RRBP1: variants seen among roughly 807,000 people sequenced by gnomAD.
RRBP1 encodes ribosome-binding protein 1.
Under a neutral mutation model 165.2 loss-of-function variants are expected in RRBP1, and 94 were observed. The observed-to-expected ratio is 0.57, with a 90% CI of 0.48 to 0.68. The LOEUF is 0.68. RRBP1 is among the 30% of genes least tolerant of loss of function. The pLI is 0.00. For synonymous variants in RRBP1, 680 were observed against 714.5 expected (o/e 0.95, Z 0.77); for missense variants, 1,676 against 1,763.0 (o/e 0.95, Z 0.88).
At chr20:17,628,290 T>A (rs1192408536) in intron 9 of RRBP1, among the ~76,000 whole-genome samples, 1 of 152,138 alleles carries the variant, frequency 6.6e-6, no homozygotes, top group Non-Finnish European at 1.5e-5. Flanking sequence ...GAAGCTCTAG[T>A]TAGACAACGC....
At chr20:17,663,412 G>T (rs1029592548) in intron 2 of RRBP1, among the ~76,000 whole-genome samples, 1 of 152,164 alleles carries the variant, frequency 6.6e-6, no homozygotes, top group Non-Finnish European at 1.5e-5. Context: ...CCTTTGCAAC[G>T]CACACAAATA....
At chr20:17,621,418 C>G in intron 16 of RRBP1, 40 bp downstream of exon 16, 1 of 1,513,406 alleles carries the variant, frequency 6.6e-7, no homozygotes, top group Non-Finnish European at 9.1e-7. Context: ...TTCCCTGCAG[C>G]CTCCCAGGGA....
At chr20:17,669,909 CCTATCGT>C (rs888631704) in intron 2 of RRBP1, among the ~76,000 whole-genome samples, 1 of 152,134 alleles carries the variant, frequency 6.6e-6, no homozygotes, top group African/African-American at 2.4e-5. Flanking sequence ...TTCCCAATTT[CCTATCGT>C]CTGCTTAATT....
chr20:17,630,082 T>G, intron 8 of RRBP1, 121 bp from the exon 9 acceptor site: 1 of 1,146,808 alleles, frequency 8.7e-7, no homozygotes. Flanking sequence ...CTCTGGTCCA[T>G]GTGGGAAGGA....
Position 17,642,967 on chromosome 20 carries a change from G to C in RRBP1, c.2061+12C>G, listed in dbSNP as rs750692348. Reference sequence around the variant, plus strand: ...TGGCCTCTGAGCATGGCCAGCAGGAGGGTGGGCCCACCTTGTGCCAGGTGT... The same window carrying C: ...TGGCCTCTGAGCATGGCCAGCAGGACGGTGGGCCCACCTTGTGCCAGGTGT... On this transcript the variant is annotated intron_variant, in intron 4 of 24. Transcript: ENST00000377813. The C allele has an allele frequency of 1.1e-5, 17 of 1,612,530 alleles. 1 individual carries two copies. In the East Asian group the frequency reaches 1.8e-4, roughly 17 times the overall value.
chr20:17,618,609 T>C lies in RRBP1; in HGVS notation c.3746A>G (p.Asp1249Gly). The change falls in exon 20 of 25, where the codon GAT becomes GGT. Residue 1249 changes from aspartate to glycine, a missense_variant. By Grantham distance (94) the Asp-to-Gly change is moderately conservative. Coordinates refer to ENST00000377813, the MANE Select transcript of RRBP1 (RefSeq NM_001365613.2). ...GAGGCCACCTACCAGGGCAAGCTCA[T>C]CGCTCTGTTTCTGGGCTTCGCTCTT... ...AAKSEAQKQS[D>G]ELALVRQQLS... The C allele has an allele frequency of 6.2e-7, 1 of 1,613,964 alleles. No homozygotes were observed. Among genetic ancestry groups the C allele is most frequent in the Non-Finnish European group, 8.5e-7 (1 of 1,179,990 alleles).
Position 17,659,690 on chromosome 20 carries a change from T to C in RRBP1, c.818A>G (p.Asp273Gly), listed in dbSNP as rs2036721825. ...EGAQNQGKKV[D>G]TTPNQGKKVE... is the part of the protein sequence containing the mutation. Reference sequence around the variant, plus strand: ...CTTTTTCCCCTGGTTTGGGGTTGTATCTACCTTTTTACCCTGGTTCTGGGC... The same window carrying C: ...CTTTTTCCCCTGGTTTGGGGTTGTACCTACCTTTTTACCCTGGTTCTGGGC... The change falls in exon 3 of 25, where the codon GAT (aspartate) becomes GGT (glycine). Residue 273 changes from aspartate to glycine, a missense_variant. Around this residue, in one of 5 missense-constraint regions of RRBP1, gnomAD observed 392 missense variants for 382.5 expected, o/e 1.02. Transcript: ENST00000377813. The C allele has an allele frequency of 6.4e-7, 1 of 1,550,548 alleles. No homozygotes were observed. The highest frequency in any genetic ancestry group is 8.7e-7 in the Non-Finnish European group (1 of 1,146,972).
Position 17,642,018 on chromosome 20 carries a change from G to A in RRBP1, c.2062-99C>T, listed in dbSNP as rs1464045995. 8 of 1,328,576 alleles carry A rather than the reference G, an allele frequency of 6.0e-6. No individual in the cohort carries two copies. The Admixed American group carries it at 1.3e-4, about 21-fold the overall frequency. 82.3% of individuals were successfully genotyped at this position (1,328,576 alleles called of 1,614,324 possible). On this transcript the variant is annotated intron_variant, in intron 4 of 24. Transcript: ENST00000377813. ...CAGAGGCCTGAGGGCTTGATGAAGTGGAGCAGGGGCTTCGAGTCAAGGGTT... is the reference window on the plus strand; with the variant it reads ...CAGAGGCCTGAGGGCTTGATGAAGTAGAGCAGGGGCTTCGAGTCAAGGGTT...
chr20:17,662,188 G>A (rs2036778173), intron 2 of RRBP1, among the ~76,000 whole-genome samples: 1 of 152,034 alleles, frequency 6.6e-6, no homozygotes, highest in African/African-American at 2.4e-5. Context: ...GGATGAACCT[G>A]GGAGGTGGAG....
rs1307754950 is a variant in RRBP1 at position 17,643,166 on chromosome 20, T to C, written c.1913-39A>G. ...GGGAAAGAGCTGAGACTTAGGCCCA[T>C]AAGCCACAACACACGTGGCCACAAT... On this transcript the variant is annotated intron_variant, in intron 3 of 24. Coordinates refer to ENST00000377813, the MANE Select transcript of RRBP1 (RefSeq NM_001365613.2). The surrounding 1 kb of genome is among the most constrained non-coding windows in gnomAD (Gnocchi z 4.3). 1 of 1,604,378 alleles carries C rather than the reference T, an allele frequency of 6.2e-7. No individual in the cohort carries two copies. Among genetic ancestry groups the C allele is most frequent in the Admixed American group, 1.7e-5 (1 of 59,626 alleles).
intron 8 of RRBP1, among the ~76,000 whole-genome samples, chr20:17,630,456 T>G (rs2036126789): frequency 6.6e-6 from 1 of 152,240 alleles, no homozygotes; most frequent in Non-Finnish European, 1.5e-5. Flanking sequence ...CGTGAAATTG[T>G]CAGTGTTTGA....
intron 9 of RRBP1, among the ~76,000 whole-genome samples, chr20:17,628,901 G>C (rs2036088688): frequency 6.6e-6 from 1 of 152,270 alleles, no homozygotes. Flanking sequence ...TTCACTCGGT[G>C]TTAATGGGCA....
intron 13 of RRBP1, among the ~76,000 whole-genome samples, chr20:17,622,312 C>T (rs1488380301): frequency 6.6e-6 from 1 of 152,106 alleles, no homozygotes; most frequent in Non-Finnish European, 1.5e-5. Flanking sequence ...TTGGGGGGTC[C>T]GCAGTTGATG....
At chr20:17,619,607 C>A in intron 19 of RRBP1, 26 bp downstream of exon 19, 1 of 1,562,358 alleles carries the variant, frequency 6.4e-7, no homozygotes, top group Non-Finnish European at 8.8e-7. Context: ...TGGGCAGGGG[C>A]TGCACTCCTT....
chr20:17,671,607 T>G (rs1249063617), intron 2 of RRBP1, among the ~76,000 whole-genome samples: 1 of 152,242 alleles, frequency 6.6e-6, no homozygotes, highest in Admixed American at 6.5e-5. Context: ...GGCTTACCTC[T>G]GACTCCCCTT....
intron 24 of RRBP1, 113 bp from the exon 25 acceptor site, chr20:17,614,333 T>G: frequency 3.0e-6 from 3 of 988,182 alleles, no homozygotes; most frequent in Non-Finnish European, 4.7e-6. Context: ...CTCAAGCCAC[T>G]CCAGTCCCTC....
At chr20:17,645,817 G>A (rs989459093) in intron 3 of RRBP1, among the ~76,000 whole-genome samples, 3 of 152,226 alleles carry the variant, frequency 2.0e-5, no homozygotes, top group African/African-American at 7.2e-5. Context: ...CACCTAGTCT[G>A]TGAAATCACA....
Position 17,621,841 on chromosome 20 carries a change from C to A in RRBP1, c.3240+14G>T. ...AGAACTGTGAGGTCCCCGGGAACCA[C>A]CCTCCCCTCCTACCTGTTGTGCCAA... is the stretch of plus-strand genomic sequence containing the variant. On this transcript the variant is annotated intron_variant, in intron 14 of 24. Transcript: ENST00000377813. 6.2e-7 allele frequency: 1 copy of A among 1,613,492 alleles called. No individual in the cohort carries two copies. Among genetic ancestry groups the A allele is most frequent in the African/African-American group, 1.3e-5 (1 of 75,008 alleles).
chr20:17,619,604 G>C (rs748900147), intron 19 of RRBP1, 29 bp downstream of exon 19: 9 of 1,552,656 alleles, frequency 5.8e-6, no homozygotes, highest in Non-Finnish European at 7.1e-6. Context: ...TGCTGGGCAG[G>C]GGCTGCACTC....
Sources: gnomAD v4.1 joint callset for allele counts (sites outside exome capture counted in the v4.1 genomes callset) on GRCh38, gnomAD v4.1.1 for gene constraint, gnomAD v4.1.1 regional missense constraint, Gnocchi (gnomAD v3.1) non-coding constraint, MANE v1.5 for transcripts, NCBI Gene and HGNC (gene_info 2026-07-23, HGNC 2026-07-21) for gene names.